Variants in MMP26 observed in about 807,000 individuals in gnomAD.
The protein encoded by MMP26 is matrix metalloproteinase-26.
A neutral mutation model predicts 31.0 loss-of-function variants in MMP26; 33 were observed. The ratio of observed to expected loss-of-function variants is 1.06; its 90% CI spans 0.81 to 1.42. The LOEUF (loss-of-function observed/expected upper bound fraction) is 1.42, where lower values mean the gene tolerates loss of function less well. MMP26 is among the 40% of genes most tolerant of loss of function. The pLI is 0.00. For synonymous variants in MMP26, 122 were observed against 114.9 expected (o/e 1.06, Z -0.40); for missense variants, 347 against 316.1 (o/e 1.10, Z -0.74).
chr11:4,850,682 A>G (rs1849962917), intron 2 of MMP26, among the ~76,000 whole-genome samples: 1 of 151,952 alleles, frequency 6.6e-6, no homozygotes, highest in Non-Finnish European at 1.5e-5. Flanking sequence ...CATTTATTAC[A>G]AAAATTCCAA....
At chr11:4,974,471 T>C (rs1011545691) in intron 2 of MMP26, among the ~76,000 whole-genome samples, 61 of 152,238 alleles carry the variant, frequency 4.0e-4, no homozygotes, top group Non-Finnish European at 7.8e-4. Context: ...TCATTCTTTA[T>C]AGAGGATTTT....
chr11:4,848,127 A>G, intron 2 of MMP26: 3 of 1,160,752 alleles, frequency 2.6e-6, no homozygotes, highest in South Asian at 3.0e-5. Flanking sequence ...ACATGCACAT[A>G]TATGCACTTA....
In MMP26 at chr11:4,805,081, T is replaced by G. The variant is rs577284355; in HGVS notation, c.-145+37740T>G. On this transcript the variant is annotated intron_variant, in intron 2 of 7. Transcript: ENST00000380390. ...TTCTTGCTCTTCAGTTCTATAGAAC[T>G]AACAGCTGATTAGCTTAAACTTTTC... is the stretch of plus-strand genomic sequence containing the variant. 2.0e-5 allele frequency among the ~76,000 whole-genome samples: 3 copies of G among 152,294 alleles called. No homozygotes were observed. The South Asian group carries it at 6.2e-4, about 32-fold the overall frequency.
chr11:4,926,949 T>G lies in MMP26; in HGVS notation c.-144-61119T>G, dbSNP rs572221097. 3.3e-5 allele frequency among the ~76,000 whole-genome samples: 5 copies of G among 152,294 alleles called. No homozygotes were observed. In the South Asian group the frequency reaches 8.3e-4, roughly 25 times the overall value. On this transcript the variant is annotated intron_variant, in intron 2 of 7. Transcript: ENST00000380390. ...CAATAGGGATTACACAGAATAGTTTTTAGTGCAGCTATTGTCCATTTTCTT... is the reference window on the plus strand; with the variant it reads ...CAATAGGGATTACACAGAATAGTTTGTAGTGCAGCTATTGTCCATTTTCTT...
intron 1 of MMP26, among the ~76,000 whole-genome samples, chr11:4,737,541 G>A (rs1468674308): frequency 6.6e-6 from 1 of 152,238 alleles, no homozygotes; most frequent in Non-Finnish European, 1.5e-5. Flanking sequence ...TACTTGGGAG[G>A]CTGAGGCAGG....
In MMP26 at chr11:4,792,882, C is replaced by T. The variant is rs1236837878; in HGVS notation, c.-145+25541C>T. 3.9e-5 allele frequency among the ~76,000 whole-genome samples: 6 copies of T among 152,066 alleles called. No homozygotes were observed. The South Asian group carries it at 1.2e-3, about 32-fold the overall frequency. On this transcript the variant is annotated intron_variant, in intron 2 of 7. Coordinates refer to ENST00000380390, the MANE Select transcript of MMP26 (RefSeq NM_021801.5). The stretch of plus-strand genomic sequence containing the variant: ...AGAATTTACTGGATACTTGCTATGG[C>T]CAGCCAATTGATAGTTATTTTATAT...
At chr11:4,773,243 A>G (rs934922086) in intron 2 of MMP26, among the ~76,000 whole-genome samples, 2 of 152,166 alleles carry the variant, frequency 1.3e-5, no homozygotes, top group African/African-American at 4.8e-5. Context: ...TCTAACCAAT[A>G]GAATATGGCA....
chr11:4,977,620 C>T (rs548084938), intron 2 of MMP26, among the ~76,000 whole-genome samples: 13 of 152,198 alleles, frequency 8.5e-5, no homozygotes, highest in Middle Eastern at 3.4e-3. Flanking sequence ...GCAGTTCAAC[C>T]GTTGCACACT....
At chr11:4,709,128 C>T (rs954812834) in intron 1 of MMP26, among the ~76,000 whole-genome samples, 3 of 152,068 alleles carry the variant, frequency 2.0e-5, no homozygotes, top group Non-Finnish European at 4.4e-5. Flanking sequence ...CTTTAATGCA[C>T]CTTAGGGTTT....
chr11:4,880,099 T>A (rs1850437751), intron 2 of MMP26, among the ~76,000 whole-genome samples: 1 of 152,100 alleles, frequency 6.6e-6, no homozygotes, highest in Non-Finnish European at 1.5e-5. Context: ...GTCTCGGAGA[T>A]GTGTCTGAGT....
chr11:4,929,354 A>T (rs1851314709), intron 2 of MMP26, among the ~76,000 whole-genome samples: 1 of 152,112 alleles, frequency 6.6e-6, no homozygotes, highest in South Asian at 2.1e-4. Flanking sequence ...TCTCAGAAAA[A>T]AAAGATAATG....
intron 2 of MMP26, among the ~76,000 whole-genome samples, chr11:4,980,950 G>A (rs1180492213): frequency 6.6e-6 from 1 of 151,778 alleles, no homozygotes; most frequent in Non-Finnish European, 1.5e-5. Context: ...GGACTTAAGG[G>A]GCTTTCAGTT....
intron 2 of MMP26, among the ~76,000 whole-genome samples, chr11:4,865,436 G>A (rs1394090356): frequency 6.6e-6 from 1 of 151,960 alleles, no homozygotes; most frequent in African/African-American, 2.4e-5. Context: ...TCAAAAAGGG[G>A]GAAGATATGA....
At chr11:4,978,911 A>G (rs1846775940) in intron 2 of MMP26, among the ~76,000 whole-genome samples, 1 of 152,168 alleles carries the variant, frequency 6.6e-6, no homozygotes, top group Non-Finnish European at 1.5e-5. Flanking sequence ...TACCCTAAAG[A>G]AGTTACGAGA....
intron 2 of MMP26, among the ~76,000 whole-genome samples, chr11:4,981,033 A>G (rs1564818651): frequency 6.6e-6 from 1 of 152,096 alleles, no homozygotes; most frequent in Non-Finnish European, 1.5e-5. Context: ...ATATAAACAT[A>G]TTAGTTAAGT....
At chr11:4,741,685 T>C (rs1848314337) in intron 1 of MMP26, among the ~76,000 whole-genome samples, 1 of 151,784 alleles carries the variant, frequency 6.6e-6, no homozygotes, top group Non-Finnish European at 1.5e-5. Context: ...AGAGGATAGG[T>C]CAATAGGTGA....
chr11:4,819,470 G>T (rs1849464093), intron 2 of MMP26, among the ~76,000 whole-genome samples: 1 of 150,036 alleles, frequency 6.7e-6, no homozygotes. Flanking sequence ...AAGAGAGACT[G>T]GTATCATAAA....
rs890458547 is a variant in MMP26 at position 4,758,701 on chromosome 11, T to C, written c.-216-8569T>C. On this transcript the variant is annotated intron_variant, in intron 1 of 7. Transcript: ENST00000380390. ...TGATTTGGTAAAATTCAAATAATTG[T>C]TTTATAGCAAAAACAACTTCCACAG... Among the ~76,000 whole-genome samples the C allele has an allele frequency of 5.3e-5, 8 of 152,198 alleles. No homozygotes were observed. In the South Asian group the frequency reaches 6.2e-4, roughly 12 times the overall value.
intron 2 of MMP26, among the ~76,000 whole-genome samples, chr11:4,983,775 C>T (rs1199325506): frequency 1.3e-5 from 2 of 152,192 alleles, no homozygotes; most frequent in Non-Finnish European, 2.9e-5. Flanking sequence ...TCTTCTGCCT[C>T]ATAACTACTT....
Sources: gnomAD v4.1 joint callset for allele counts (sites outside exome capture counted in the v4.1 genomes callset) on GRCh38, gnomAD v4.1.1 for gene constraint, MANE v1.5 for transcripts, NCBI Gene and HGNC (gene_info 2026-07-23, HGNC 2026-07-21) for gene names.